The following AKAP6 variants were observed in gnomAD, a reference collection of about 807,000 sequenced individuals.
AKAP6 encodes A-kinase anchoring protein 6, also known as A-kinase anchor protein 6.
In AKAP6, 58 loss-of-function variants were observed where a neutral mutation model predicts 188.5. The ratio of observed to expected loss-of-function variants is 0.31; its 90% CI spans 0.25 to 0.38. The LOEUF (loss-of-function observed/expected upper bound fraction) is 0.38, where lower values mean the gene tolerates loss of function less well. Ranked by LOEUF, AKAP6 falls within the 10% of genes least tolerant of loss-of-function variation. AKAP6 has a pLI of 1.00. For synonymous variants in AKAP6, 989 were observed against 998.6 expected (o/e 0.99, Z 0.18); for missense variants, 2,710 against 2,740.0 (o/e 0.99, Z 0.24).
intron 1 of AKAP6, among the ~76,000 whole-genome samples, chr14:32,333,398 T>C (rs1886593537): frequency 6.6e-6 from 1 of 152,130 alleles, no homozygotes; most frequent in African/African-American, 2.4e-5. Context: ...ATGCCAGGCA[T>C]TGTCAGGGAA....
At chr14:32,508,134 C>A (rs1880971241) in intron 2 of AKAP6, among the ~76,000 whole-genome samples, 1 of 152,046 alleles carries the variant, frequency 6.6e-6, no homozygotes, top group African/African-American at 2.4e-5. Context: ...TTATGGTGAT[C>A]CTTGATAAAC....
intron 4 of AKAP6, among the ~76,000 whole-genome samples, chr14:32,556,720 T>C (rs1479024892): frequency 6.6e-6 from 1 of 152,226 alleles, no homozygotes; most frequent in Non-Finnish European, 1.5e-5. Context: ...TTTACTCTGT[T>C]GGTGGTGTCC....
At chr14:32,769,783 T>C (rs1261676459) in intron 11 of AKAP6, among the ~76,000 whole-genome samples, 1 of 152,156 alleles carries the variant, frequency 6.6e-6, no homozygotes, top group Non-Finnish European at 1.5e-5. Context: ...TTTTCTGATC[T>C]GGTTCTTACA....
At chr14:32,361,364 G>A (rs1887660121) in intron 1 of AKAP6, among the ~76,000 whole-genome samples, 1 of 152,066 alleles carries the variant, frequency 6.6e-6, no homozygotes. Context: ...ATTGGTAGTG[G>A]GGTTCCAGGT....
chr14:32,608,305 C>A (rs1228910806), intron 7 of AKAP6, among the ~76,000 whole-genome samples: 1 of 151,266 alleles, frequency 6.6e-6, no homozygotes, highest in Non-Finnish European at 1.5e-5. Context: ...AGGAGACAAG[C>A]CTGGCCAATA....
At chr14:32,806,251 T>C (rs555762531) in intron 12 of AKAP6, among the ~76,000 whole-genome samples, 103 of 152,348 alleles carry the variant, frequency 6.8e-4, no homozygotes, top group African/African-American at 2.3e-3. Flanking sequence ...CAGTAGTTAT[T>C]CCAAACTATG....
chr14:32,728,586 G>A (rs143604101), intron 9 of AKAP6, among the ~76,000 whole-genome samples: 525 of 152,212 alleles, frequency 3.4e-3, no homozygotes, highest in Non-Finnish European at 6.2e-3. Flanking sequence ...TATGGTGTAA[G>A]ATGTAAATGC....
chr14:32,711,293 G>A (rs941141694), intron 9 of AKAP6, among the ~76,000 whole-genome samples: 5 of 152,002 alleles, frequency 3.3e-5, no homozygotes, highest in African/African-American at 1.2e-4. Flanking sequence ...ATACTCTGTT[G>A]TGCTTCTGGT....
rs527343011 is a variant in AKAP6 at position 32,746,920 on chromosome 14, T to G, written c.3372+11038T>G. On this transcript the variant is annotated intron_variant, in intron 11 of 13. Transcript: ENST00000280979. ...CATTTTAAGTCTTGGAAATTAAAAT[T>G]TATAGAACAGGGCCTTTAAAAGGAT... Among the ~76,000 whole-genome samples the G allele has an allele frequency of 2.6e-5, 4 of 152,260 alleles. No homozygotes were observed. The South Asian group carries it at 8.3e-4, about 32-fold the overall frequency.
chr14:32,700,662 G>T (rs1396350941), intron 9 of AKAP6, among the ~76,000 whole-genome samples: 5 of 152,116 alleles, frequency 3.3e-5, no homozygotes, highest in Non-Finnish European at 7.4e-5. Flanking sequence ...ATAGTAACAT[G>T]CTGTACAGGT....
intron 12 of AKAP6, among the ~76,000 whole-genome samples, chr14:32,817,436 A>G (rs2034409035): frequency 1.3e-5 from 2 of 150,150 alleles, no homozygotes; most frequent in Non-Finnish European, 3.0e-5. Context: ...TTGTTTCTTG[A>G]GCAGATCTGT....
chr14:32,699,540 G>A (rs1048000437), intron 9 of AKAP6, among the ~76,000 whole-genome samples: 1 of 152,094 alleles, frequency 6.6e-6, no homozygotes, highest in African/African-American at 2.4e-5. Flanking sequence ...GCAGTCTCAA[G>A]AGCAACCTAA....
intron 5 of AKAP6, among the ~76,000 whole-genome samples, chr14:32,584,944 A>G (rs186601386): frequency 1.1e-4 from 17 of 152,328 alleles, no homozygotes; most frequent in African/African-American, 3.8e-4. Context: ...TGCCTTAAGA[A>G]ACAGAGTTAC....
chr14:32,764,040 C>T (rs1566694727), intron 11 of AKAP6, among the ~76,000 whole-genome samples: 1 of 152,152 alleles, frequency 6.6e-6, no homozygotes, highest in Non-Finnish European at 1.5e-5. Context: ...ACCAAAAGAG[C>T]TTCTGACCCC....
At chr14:32,523,119 T>C (rs907706904) in intron 2 of AKAP6, among the ~76,000 whole-genome samples, 13 of 151,172 alleles carry the variant, frequency 8.6e-5, no homozygotes, top group Non-Finnish European at 1.5e-4. Context: ...TAGGTGGGAA[T>C]TGAACAATGA....
chr14:32,522,606 C>T (rs551446358), intron 2 of AKAP6, among the ~76,000 whole-genome samples: 1 of 152,240 alleles, frequency 6.6e-6, no homozygotes, highest in Non-Finnish European at 1.5e-5. Flanking sequence ...TCATCACTGG[C>T]CATCAGAGAA....
At chr14:32,687,030 A>C (rs1436752400) in intron 8 of AKAP6, among the ~76,000 whole-genome samples, 3 of 152,220 alleles carry the variant, frequency 2.0e-5, no homozygotes, top group Admixed American at 6.5e-5. Context: ...GGTTAATCCC[A>C]AGCACAACAG....
At chr14:32,788,521 C>T (rs867279438) in intron 12 of AKAP6, among the ~76,000 whole-genome samples, 64 of 152,268 alleles carry the variant, frequency 4.2e-4, no homozygotes, top group African/African-American at 1.4e-3. Context: ...TGAAGAAAAG[C>T]AGGGGGTGGG....
intron 12 of AKAP6, among the ~76,000 whole-genome samples, chr14:32,809,973 TGCAAAGTATCCTACACTCTGCGCTGGAA>T (rs2034183167): frequency 6.6e-6 from 1 of 152,200 alleles, no homozygotes; most frequent in Non-Finnish European, 1.5e-5. Flanking sequence ...CTTTAGGTAG[TGCAAAGTATCCTACACTCTGCGCTGGAA>T]GCAAGCAAAG....
Sources: gnomAD v4.1 joint callset for allele counts (sites outside exome capture counted in the v4.1 genomes callset) on GRCh38, gnomAD v4.1.1 for gene constraint, MANE v1.5 for transcripts, NCBI Gene and HGNC (gene_info 2026-07-23, HGNC 2026-07-21) for gene names.